The following DDI2 variants were observed in gnomAD, a reference collection of about 807,000 sequenced individuals.
DDI2 encodes protein DDI1 homolog 2.
A neutral mutation model predicts 48.1 loss-of-function variants in DDI2; 5 were observed. That is an observed-to-expected ratio of 0.10 (90% confidence interval 0.05 to 0.22). DDI2 has a LOEUF of 0.22. Ranked by LOEUF, DDI2 falls within the 10% of genes least tolerant of loss-of-function variation. DDI2 has a pLI of 1.00. For missense variants in DDI2, 285 were observed against 506.2 expected (o/e 0.56, Z 4.19); for synonymous variants, 205 against 183.6 (o/e 1.12, Z -0.94).
At position 15,661,666 on chromosome 1, in the gene DDI2, A is replaced by T; in HGVS notation, c.*1876A>T. The stretch of plus-strand genomic sequence containing the variant: ...TGGAGCTTTGCATCGAGTTGGTGGG[A>T]ATGCAGACCTTGCACTTCTTGTTTT... On this transcript the variant is annotated 3_prime_UTR_variant, in exon 10 of 10. Coordinates refer to ENST00000480945, the MANE Select transcript of DDI2 (RefSeq NM_032341.5). 6.2e-7 allele frequency: 1 copy of T among 1,614,062 alleles called. No individual in the cohort carries two copies. Among genetic ancestry groups the T allele is most frequent in the Non-Finnish European group, 8.5e-7 (1 of 1,179,974 alleles).
At chr1:15,629,629 C>T (rs1421225201) in intron 2 of DDI2, among the ~76,000 whole-genome samples, 1 of 151,038 alleles carries the variant, frequency 6.6e-6, no homozygotes, top group Non-Finnish European at 1.5e-5. Context: ...TTAATCCAAG[C>T]GTCAAGGCTG....
In DDI2 at chr1:15,660,732, A is replaced by G; in HGVS notation, c.*942A>G. On this transcript the variant is annotated 3_prime_UTR_variant, in exon 10 of 10. Transcript: ENST00000480945. ...TCACTTTAGATAATCCCTTGATGGA[A>G]GTAGAAACATCAAAATGTAACCCTT... 2 of 1,613,900 alleles carry G rather than the reference A, an allele frequency of 1.2e-6. No homozygotes were observed. Among genetic ancestry groups the G allele is most frequent in the East Asian group, 4.5e-5 (2 of 44,882 alleles).
intron 8 of DDI2, among the ~76,000 whole-genome samples, chr1:15,655,787 A>G (rs1198217213): frequency 4.6e-5 from 7 of 151,528 alleles, no homozygotes; most frequent in South Asian, 2.1e-4. Flanking sequence ...TTAGCCAGGC[A>G]TGGTGGCATG....
At position 15,656,928 on chromosome 1, in the gene DDI2, C is replaced by CT. The variant is rs776935880; in HGVS notation, c.*46+250dup. On this transcript the variant is annotated intron_variant, in intron 9 of 9. Transcript: ENST00000480945. ...GAGAAAATCCCAGTTAAAACAGTGTCTATTATATCTACCCCATCTTGGCTA... is the reference window on the plus strand; with the variant it reads ...GAGAAAATCCCAGTTAAAACAGTGTCTTATTATATCTACCCCATCTTGGCTA... The CT allele has an allele frequency of 9.9e-5, 38 of 383,042 alleles. No homozygotes were observed. The East Asian group carries it at 1.9e-3, about 20-fold the overall frequency. The allele number at this position is 383,042 out of a possible 1,614,324, so 23.7% of individuals were successfully genotyped here. A position where few individuals can be genotyped will look rare whatever the true frequency, so the allele number is the denominator to read the frequency against.
At chr1:15,658,572 G>C (rs1431696952) in intron 9 of DDI2, among the ~76,000 whole-genome samples, 1 of 150,936 alleles carries the variant, frequency 6.6e-6, no homozygotes, top group Non-Finnish European at 1.5e-5. Context: ...AGACCACCCT[G>C]ACCAACGTGG....
At chr1:15,642,678 C>G (rs981007941) in intron 5 of DDI2, among the ~76,000 whole-genome samples, 1 of 152,330 alleles carries the variant, frequency 6.6e-6, no homozygotes, top group East Asian at 1.9e-4. Flanking sequence ...AATCCCAACA[C>G]TTTGGGAAGC....
rs529309984 is a variant in DDI2, at chr1:15,668,595, T to A, written c.*8805T>A. The A allele has an allele frequency of 1.7e-4, 26 of 152,350 alleles. No homozygotes were observed. Among genetic ancestry groups the A allele is most frequent in the African/African-American group, 6.0e-4 (25 of 41,582 alleles). The allele number at this position is 152,350 out of a possible 1,614,324, so 9.4% of individuals were successfully genotyped here. On this transcript the variant is annotated 3_prime_UTR_variant, in exon 10 of 10. Transcript: ENST00000480945. Reference sequence around the variant, plus strand: ...GCCATGTTTGGCAAATCTTAGCAACTAGAAACCCCGTCCTTTCTTTTCCTT... The same window carrying A: ...GCCATGTTTGGCAAATCTTAGCAACAAGAAACCCCGTCCTTTCTTTTCCTT...
intron 1 of DDI2, among the ~76,000 whole-genome samples, chr1:15,618,269 T>C (rs1253942142): frequency 2.0e-5 from 3 of 151,454 alleles, no homozygotes; most frequent in South Asian, 2.1e-4. Context: ...TTTTTTTTTT[T>C]CTGGAGAGGG....
At chr1:15,639,966 C>G (rs1420484003) in intron 5 of DDI2, among the ~76,000 whole-genome samples, 1 of 151,594 alleles carries the variant, frequency 6.6e-6, no homozygotes, top group African/African-American at 2.4e-5. Context: ...TTGCAGTGAG[C>G]TGTGATTGTG....
chr1:15,637,602 C>T (rs189848546), intron 4 of DDI2, among the ~76,000 whole-genome samples: 466 of 152,226 alleles, frequency 3.1e-3, no homozygotes, highest in African/African-American at 0.011. Context: ...TCCTGACCTC[C>T]GGTGATCCAC....
At chr1:15,646,253 G>C (rs1326174820) in intron 6 of DDI2, among the ~76,000 whole-genome samples, 2 of 152,238 alleles carry the variant, frequency 1.3e-5, no homozygotes, top group Non-Finnish European at 2.9e-5. Flanking sequence ...ATCTGCAGAA[G>C]TATTTATGAC....
At position 15,668,404 on chromosome 1, in the gene DDI2, A is replaced by T. The variant is rs1640485209; in HGVS notation, c.*8614A>T. On this transcript the variant is annotated 3_prime_UTR_variant, in exon 10 of 10. Transcript: ENST00000480945. ...CTATCCCCGATCATCCTTTTGAAAT[A>T]GTTCTAGTGATAAACTCAGAGAAAT... 6.6e-6 allele frequency: 1 copy of T among 152,238 alleles called. No homozygotes were observed. Among genetic ancestry groups the T allele is most frequent in the Admixed American group, 6.5e-5 (1 of 15,286 alleles). 9.4% of individuals were successfully genotyped at this position (152,238 alleles called of 1,614,324 possible).
intron 4 of DDI2, among the ~76,000 whole-genome samples, chr1:15,635,753 C>G (rs777777487): frequency 6.6e-6 from 1 of 152,140 alleles, no homozygotes; most frequent in Non-Finnish European, 1.5e-5. Context: ...AAGAGACTCT[C>G]TACATATGGA....
At chr1:15,649,883 C>A in intron 7 of DDI2, 60 bp downstream of exon 7, 1 of 1,491,942 alleles carries the variant, frequency 6.7e-7, no homozygotes. Flanking sequence ...GTCATTATCA[C>A]ATTATTTTTA....
In DDI2 at chr1:15,653,505, A is replaced by T. The variant is rs985452300; in HGVS notation, c.1183+1610A>T. Among the ~76,000 whole-genome samples the T allele has an allele frequency of 2.6e-5, 4 of 152,210 alleles. No individual in the cohort carries two copies. In the South Asian group the frequency reaches 8.3e-4, roughly 32 times the overall value. The stretch of plus-strand genomic sequence containing the variant: ...GTGAGCAGCCCTAACTTCACCGAAG[A>T]CAGAAGAACCAACAAAAAGAAGTAT... On this transcript the variant is annotated intron_variant, in intron 8 of 9. Coordinates refer to ENST00000480945, the MANE Select transcript of DDI2 (RefSeq NM_032341.5).
rs1016807322 is a variant in DDI2 at position 15,662,158 on chromosome 1, A to T, written c.*2368A>T. 6.4e-6 allele frequency: 1 copy of T among 155,524 alleles called. No homozygotes were observed. The highest frequency in any genetic ancestry group is 2.4e-5 in the African/African-American group (1 of 41,504). The allele number at this position is 155,524 out of a possible 1,614,324, so 9.6% of individuals were successfully genotyped here. On this transcript the variant is annotated 3_prime_UTR_variant, in exon 10 of 10. Coordinates refer to ENST00000480945, the MANE Select transcript of DDI2 (RefSeq NM_032341.5). ...TGTGTGTCTGTGCTGATGGCAAGGT[A>T]TGGTTTGCTGGCTCAGTTGTCAATT...
At chr1:15,621,312 A>T (rs1276714765) in intron 1 of DDI2, among the ~76,000 whole-genome samples, 1 of 152,192 alleles carries the variant, frequency 6.6e-6, no homozygotes, top group Non-Finnish European at 1.5e-5. Context: ...CCTCAAATGA[A>T]AGGCAAATAA....
In DDI2 at chr1:15,669,010, T is replaced by C. The variant is rs1203434407; in HGVS notation, c.*9220T>C. ...GAAGAAAAAGTGGTGTGTAAAACATTTGATATTTAAGACAATAAAGTTTTT... is the reference window on the plus strand; with the variant it reads ...GAAGAAAAAGTGGTGTGTAAAACATCTGATATTTAAGACAATAAAGTTTTT... On this transcript the variant is annotated 3_prime_UTR_variant, in exon 10 of 10. Coordinates refer to ENST00000480945, the MANE Select transcript of DDI2 (RefSeq NM_032341.5). 14 of 152,180 alleles carry C rather than the reference T, an allele frequency of 9.2e-5. No homozygotes were observed. 9.4% of individuals were successfully genotyped at this position (152,180 alleles called of 1,614,324 possible).
intron 8 of DDI2, among the ~76,000 whole-genome samples, chr1:15,653,619 C>CCTGACTAG (rs1285322964): frequency 4.6e-5 from 7 of 152,140 alleles, no homozygotes; most frequent in African/African-American, 9.7e-5. Flanking sequence ...ATCTCCCCTT[C>CCTGACTAG]CTGACTAGCT....
Sources: allele counts gnomAD v4.1 joint callset (sites outside exome capture counted in the v4.1 genomes callset), GRCh38; gene constraint gnomAD v4.1.1; transcripts MANE v1.5; gene names NCBI Gene and HGNC (gene_info 2026-07-23, HGNC 2026-07-21).